Variants in TRPM3 observed in about 807,000 individuals in gnomAD.
TRPM3 encodes transient receptor potential cation channel subfamily M member 3, also known as long transient receptor potential channel 3.
A neutral mutation model predicts 181.2 loss-of-function variants in TRPM3; 77 were observed. That is an observed-to-expected ratio of 0.42 (90% CI 0.35 to 0.51). The LOEUF is 0.51. Ranked by LOEUF, TRPM3 falls within the 20% of genes least tolerant of loss-of-function variation. TRPM3 has a pLI of 0.01. For synonymous variants in TRPM3, 745 were observed against 796.4 expected, an observed-to-expected ratio of 0.94 and a Z score of 1.09; for missense variants, 1,759 against 2,196.7, an observed-to-expected ratio of 0.80 and a Z score of 3.98.
intron 1 of TRPM3, among the ~76,000 whole-genome samples, chr9:71,377,400 A>G (rs2092691935): frequency 6.6e-6 from 1 of 152,104 alleles, no homozygotes; most frequent in South Asian, 2.1e-4. Context: ...ATTTCTTTAA[A>G]TCAAATCTCA....
intron 9 of TRPM3, among the ~76,000 whole-genome samples, chr9:70,649,458 G>A (rs2059335740): frequency 6.6e-6 from 1 of 152,006 alleles, no homozygotes; most frequent in Non-Finnish European, 1.5e-5. Flanking sequence ...TAAAGTGCTG[G>A]GATTACAGGT....
intron 1 of TRPM3, among the ~76,000 whole-genome samples, chr9:71,297,894 T>C (rs765526101): frequency 3.3e-5 from 5 of 152,176 alleles, no homozygotes; most frequent in Admixed American, 2.6e-4. Flanking sequence ...TGTAATGTAA[T>C]TGACCCTTAT....
intron 1 of TRPM3, among the ~76,000 whole-genome samples, chr9:71,095,944 A>G (rs1328278082): frequency 1.3e-5 from 2 of 152,082 alleles, no homozygotes; most frequent in African/African-American, 4.8e-5. Flanking sequence ...TAAAATCACA[A>G]TTCTCTTCAT....
intron 1 of TRPM3, among the ~76,000 whole-genome samples, chr9:71,389,333 CAG>C (rs1173715085): frequency 6.6e-6 from 1 of 151,470 alleles, no homozygotes; most frequent in Non-Finnish European, 1.5e-5. Flanking sequence ...AATCAAAAAA[CAG>C]ATGTTCGTGT....
chr9:70,834,825 C>T (rs967296651), intron 5 of TRPM3, among the ~76,000 whole-genome samples: 5 of 152,198 alleles, frequency 3.3e-5, no homozygotes, highest in African/African-American at 1.2e-4. Context: ...AGACAAGCCA[C>T]GCATACATTC....
At chr9:70,954,036 A>T (rs2097035833) in intron 1 of TRPM3, among the ~76,000 whole-genome samples, 1 of 152,142 alleles carries the variant, frequency 6.6e-6, no homozygotes, top group South Asian at 2.1e-4. Context: ...CTCCAAAAAT[A>T]CAGAGAGAAG....
chr9:70,790,788 T>A (rs1445067829), intron 6 of TRPM3, among the ~76,000 whole-genome samples: 1 of 152,236 alleles, frequency 6.6e-6, no homozygotes, highest in African/African-American at 2.4e-5. Context: ...GTATTTTTTT[T>A]TCTTAGTAAG....
chr9:71,152,944 T>G (rs1334629466), intron 1 of TRPM3, among the ~76,000 whole-genome samples: 1 of 152,114 alleles, frequency 6.6e-6, no homozygotes, highest in Non-Finnish European at 1.5e-5. Context: ...GACTGCAAGT[T>G]GATTAGTAAA....
intron 1 of TRPM3, among the ~76,000 whole-genome samples, chr9:71,018,338 T>C (rs1315561115): frequency 6.6e-6 from 1 of 151,330 alleles, no homozygotes; most frequent in Non-Finnish European, 1.5e-5. Flanking sequence ...AAAGTAAAGA[T>C]TAATGAAATA....
intron 1 of TRPM3, among the ~76,000 whole-genome samples, chr9:70,997,558 T>G (rs1253086210): frequency 6.6e-6 from 1 of 152,158 alleles, no homozygotes; most frequent in Non-Finnish European, 1.5e-5. Context: ...CCAGATTCTT[T>G]CCTAGGACTA....
chr9:71,299,828 A>T (rs1181677048), intron 1 of TRPM3, among the ~76,000 whole-genome samples: 3 of 152,126 alleles, frequency 2.0e-5, no homozygotes, highest in Non-Finnish European at 4.4e-5. Flanking sequence ...ACTATTAAGG[A>T]TCAAACTCCA....
At chr9:70,786,391 TG>T (rs2083623517) in intron 6 of TRPM3, among the ~76,000 whole-genome samples, 1 of 148,974 alleles carries the variant, frequency 6.7e-6, no homozygotes. Context: ...AGGCTGAAGC[TG>T]GAGAATTGCT....
chr9:71,408,447 C>T (rs1207723745), intron 1 of TRPM3, among the ~76,000 whole-genome samples: 3 of 152,108 alleles, frequency 2.0e-5, no homozygotes, highest in Non-Finnish European at 2.9e-5. Context: ...ACGAGAACTA[C>T]GTGATGCATG....
chr9:70,588,715 G>T (rs981284996), intron 22 of TRPM3, among the ~76,000 whole-genome samples: 5 of 152,178 alleles, frequency 3.3e-5, no homozygotes, highest in African/African-American at 9.7e-5. Flanking sequence ...CAGCATAAAA[G>T]ATTTGTACCT....
chr9:71,429,205 C>T (rs2131597902), intron 1 of TRPM3, among the ~76,000 whole-genome samples: 1 of 152,178 alleles, frequency 6.6e-6, no homozygotes, highest in Middle Eastern at 3.4e-3. Context: ...GGTAGCTCAC[C>T]TGTCAATCTT....
At chr9:71,220,852 A>G (rs2080197947) in intron 1 of TRPM3, among the ~76,000 whole-genome samples, 1 of 152,044 alleles carries the variant, frequency 6.6e-6, no homozygotes, top group Non-Finnish European at 1.5e-5. Flanking sequence ...TCCCCTGCCC[A>G]TCCAACAGCC....
intron 1 of TRPM3, among the ~76,000 whole-genome samples, chr9:71,194,526 G>A (rs1394305): frequency 0.7 from 106,525 of 151,582 alleles, 37,701 homozygotes; most frequent in African/African-American, 0.77. Flanking sequence ...CTTGGGCATC[G>A]TAAAAAGATG....
chr9:70,815,943 C>T (rs978824142), intron 6 of TRPM3, among the ~76,000 whole-genome samples: 1 of 152,038 alleles, frequency 6.6e-6, no homozygotes. Context: ...AAGAGTACAG[C>T]GAGAGAAAAG....
intron 5 of TRPM3, among the ~76,000 whole-genome samples, chr9:70,835,898 C>T (rs1430539166): frequency 5.3e-5 from 8 of 152,096 alleles, no homozygotes; most frequent in Admixed American, 2.6e-4. Flanking sequence ...ATCCCAGAAA[C>T]ATCCATCACC....
Sources: gnomAD v4.1 joint callset for allele counts (sites outside exome capture counted in the v4.1 genomes callset) on GRCh38, gnomAD v4.1.1 for gene constraint, MANE v1.5 for transcripts, NCBI Gene and HGNC (gene_info 2026-07-23, HGNC 2026-07-21) for gene names.